Variants in ZNF280C observed in about 807,000 individuals in gnomAD.
The protein encoded by ZNF280C is suppressor of hairy wing homolog 3.
ZNF280C carries 14 observed loss-of-function variants against 53.6 expected under a neutral mutation model. The ratio of observed to expected loss-of-function variants is 0.26; its 90% CI spans 0.17 to 0.41. The LOEUF is 0.41. ZNF280C is among the 10% of genes least tolerant of loss of function. ZNF280C has a pLI of 1.00. For missense variants in ZNF280C, 416 were observed against 547.1 expected (o/e 0.76, Z 2.39); for synonymous variants, 203 against 181.1 (o/e 1.12, Z -0.97).
In ZNF280C at chrX:130,203,717, T is replaced by C. The variant is rs989108155; in HGVS notation, c.*1260A>G. 3.6e-5 allele frequency: 4 copies of C among 111,913 alleles called. No individual in the cohort carries two copies. The highest frequency in any genetic ancestry group is 7.5e-5 in the Non-Finnish European group (4 of 53,175). The allele number at this position is 111,913 out of a possible 1,213,427, so 9.2% of individuals were successfully genotyped here. The stretch of plus-strand genomic sequence containing the variant: ...AGTATTGCTGAAAATTCCTAGAATA[T>C]TGGATAAAACTTTAAATGAAAACAT... On this transcript the variant is annotated 3_prime_UTR_variant, in exon 19 of 19. Coordinates refer to ENST00000370978, the MANE Select transcript of ZNF280C (RefSeq NM_017666.5).
intron 15 of ZNF280C, among the ~76,000 whole-genome samples, chrX:130,210,906 T>C (rs901601584): frequency 1.8e-5 from 2 of 112,154 alleles, no homozygotes; most frequent in African/African-American, 6.5e-5. Flanking sequence ...AAACACAAAG[T>C]TTCAGGCCTT....
chrX:130,221,733 G>T (rs1329645428), intron 12 of ZNF280C, among the ~76,000 whole-genome samples: 1 of 111,548 alleles, frequency 9.0e-6, no homozygotes, highest in Non-Finnish European at 1.9e-5. Flanking sequence ...TCCAATCACT[G>T]CTACTATACT....
At chrX:130,264,043 A>AAAAGAAAGAAAGAAAGAAAG (rs766511417) in intron 1 of ZNF280C, among the ~76,000 whole-genome samples, 5 of 103,007 alleles carry the variant, frequency 4.9e-5, no homozygotes, top group African/African-American at 1.8e-4. Context: ...AAAAAAAAAG[A>AAAAGAAAGAAAGAAAGAAAG]AAAGAAAGAA....
intron 13 of ZNF280C, among the ~76,000 whole-genome samples, chrX:130,216,666 T>C (rs1569432622): frequency 8.9e-6 from 1 of 111,810 alleles, no homozygotes; most frequent in Non-Finnish European, 1.9e-5. Flanking sequence ...CCCTCATACA[T>C]TGCTGGTGGG....
chrX:130,224,193 C>A (rs2032197651), intron 12 of ZNF280C, among the ~76,000 whole-genome samples: 1 of 111,541 alleles, frequency 9.0e-6, no homozygotes, highest in Non-Finnish European at 1.9e-5. Flanking sequence ...GGATTAGTGT[C>A]CTTATAAAAG....
intron 2 of ZNF280C, among the ~76,000 whole-genome samples, chrX:130,256,188 C>T (rs765655445): frequency 1.7e-4 from 19 of 111,086 alleles, no homozygotes; most frequent in African/African-American, 6.2e-4. Flanking sequence ...ATTTCCCTCT[C>T]ATTCCCCCTT....
At chrX:130,231,194 C>A (rs1037634389) in intron 8 of ZNF280C, among the ~76,000 whole-genome samples, 1 of 111,434 alleles carries the variant, frequency 9.0e-6, no homozygotes, top group African/African-American at 3.3e-5. Context: ...TTTGACCCAG[C>A]AATCTCATCA....
In ZNF280C at chrX:130,236,518, A is replaced by C; in HGVS notation, c.615T>G (p.Pro205=). The C allele has an allele frequency of 8.3e-7, 1 of 1,207,889 alleles. No individual in the cohort carries two copies. Among genetic ancestry groups the C allele is most frequent in the Non-Finnish European group, 1.1e-6 (1 of 893,410 alleles). ...ATGTCACTGGAGGAGAGCCAATTAA[A>C]GGCAATGAAGTGGAGGGATTTATCT... ...VPQINPSTSL[P]LIGSPPVTSS... Residue 205 remains proline (P), a synonymous_variant, in exon 7 of 19, where the codon CCT becomes CCG. Transcript: ENST00000370978.
At chrX:130,260,873 G>A (rs900036029) in intron 1 of ZNF280C, among the ~76,000 whole-genome samples, 7 of 111,278 alleles carry the variant, frequency 6.3e-5, no homozygotes, top group African/African-American at 2.3e-4. Flanking sequence ...CTTCAAAAGG[G>A]ATCTTTATGC....
At chrX:130,254,810 C>A (rs1240353375) in intron 2 of ZNF280C, among the ~76,000 whole-genome samples, 1 of 110,575 alleles carries the variant, frequency 9.0e-6, no homozygotes, top group Non-Finnish European at 1.9e-5. Context: ...CTCATGAGTA[C>A]TAGGCTTAAT....
chrX:130,243,719 A>G lies in ZNF280C; in HGVS notation c.245-20T>C, dbSNP rs762603154. On this transcript the variant is annotated intron_variant, in intron 4 of 18. Coordinates refer to ENST00000370978, the MANE Select transcript of ZNF280C (RefSeq NM_017666.5). ...GAATACCTGTATTTTAAAATTATAC[A>G]ACATATTGAATATATTTCTATACAA... 31 of 1,189,755 alleles carry G rather than the reference A, an allele frequency of 2.6e-5. No homozygotes were observed. Among genetic ancestry groups the G allele is most frequent in the South Asian group, 3.7e-5 (2 of 54,039 alleles).
At chrX:130,246,091 ATC>A (rs2032447050) in intron 3 of ZNF280C, among the ~76,000 whole-genome samples, 1 of 112,046 alleles carries the variant, frequency 8.9e-6, no homozygotes, top group East Asian at 2.8e-4. Context: ...TTTAATAAAC[ATC>A]ACCAGTATCT....
rs1200137347 is a variant in ZNF280C, at chrX:130,205,315, G to A, written c.2143C>T (p.Gln715Ter). ...TACGTACCATTCTCTATTATAACTT[G>A]GCAAGTATGAGTTTTACGTTGACTT... ...HLSQRKTHTC[Q>*]VIIENVSKST... Residue 715 changes from glutamine to a stop codon, truncating the protein, a stop_gained, in exon 17 of 19, where the codon CAA becomes TAA. Transcript: ENST00000370978. LOFTEE classifies it high-confidence loss of function. 1 of 1,199,024 alleles carries A rather than the reference G, an allele frequency of 8.3e-7. No individual in the cohort carries two copies. Among genetic ancestry groups the A allele is most frequent in the Non-Finnish European group, 1.1e-6 (1 of 886,357 alleles).
chrX:130,248,513 C>T (rs949098044), intron 2 of ZNF280C, among the ~76,000 whole-genome samples: 1 of 111,580 alleles, frequency 9.0e-6, no homozygotes, highest in Non-Finnish European at 1.9e-5. Context: ...TATTCAAGCA[C>T]AGCCTGGGAT....
At chrX:130,231,490 ATAAGTGGAAGCTTG>A (rs1186112653) in intron 8 of ZNF280C, among the ~76,000 whole-genome samples, 2 of 112,064 alleles carry the variant, frequency 1.8e-5, no homozygotes, top group Admixed American at 9.5e-5. Context: ...GTTCTCACTT[ATAAGTGGAAGCTTG>A]TAAGTGGAAG....
intron 5 of ZNF280C, among the ~76,000 whole-genome samples, chrX:130,243,085 G>A (rs1420578719): frequency 1.8e-5 from 2 of 112,050 alleles, no homozygotes; most frequent in East Asian, 5.5e-4. Context: ...TTATTATTTT[G>A]GGTTTTGGTT....
intron 2 of ZNF280C, among the ~76,000 whole-genome samples, chrX:130,258,802 A>G (rs984022294): frequency 1.8e-5 from 2 of 112,058 alleles, no homozygotes; most frequent in African/African-American, 6.5e-5. Flanking sequence ...TCATTCGAGT[A>G]TAGTGGAAAG....
Position 130,204,996 on chromosome X carries a change from T to C in ZNF280C, c.2199-4A>G. Reference sequence around the variant, plus strand: ...AGGAATCTATTTCAATGAGCAGCTTTAAGAAAAAAAAAAAAAAACTTTAAT... The same window carrying C: ...AGGAATCTATTTCAATGAGCAGCTTCAAGAAAAAAAAAAAAAAACTTTAAT... On this transcript the variant is annotated splice_region_variant and splice_polypyrimidine_tract_variant and intron_variant, in intron 18 of 18. Coordinates refer to ENST00000370978, the MANE Select transcript of ZNF280C (RefSeq NM_017666.5). 2 of 1,024,499 alleles carry C rather than the reference T, an allele frequency of 2.0e-6. No individual in the cohort carries two copies. The highest frequency in any genetic ancestry group is 2.5e-6 in the Non-Finnish European group (2 of 793,472). The allele number at this position is 1,024,499 out of a possible 1,213,427, so 84.4% of individuals were successfully genotyped here.
chrX:130,203,330 G>C lies in ZNF280C; in HGVS notation c.*1647C>G, dbSNP rs192809993. ...AAATTTAAGAACAATATAAAACCTA[G>C]CTACCAAAATAAAATTAAAAAAAAA... On this transcript the variant is annotated 3_prime_UTR_variant, in exon 19 of 19. Transcript: ENST00000370978. 9.0e-6 allele frequency: 1 copy of C among 111,186 alleles called. No homozygotes were observed. Among genetic ancestry groups the C allele is most frequent in the Admixed American group, 9.6e-5 (1 of 10,411 alleles). The allele number at this position is 111,186 out of a possible 1,213,427, so 9.2% of individuals were successfully genotyped here. A position where few individuals can be genotyped will look rare whatever the true frequency, so the allele number is the denominator to read the frequency against.
Sources: allele counts gnomAD v4.1 joint callset (sites outside exome capture counted in the v4.1 genomes callset), GRCh38; gene constraint gnomAD v4.1.1; transcripts MANE v1.5; gene names NCBI Gene and HGNC (gene_info 2026-07-23, HGNC 2026-07-21).